C8orf34: variants seen among roughly 807,000 people sequenced by gnomAD.
C8orf34 encodes uncharacterized protein C8orf34.
A neutral mutation model predicts 68.3 loss-of-function variants in C8orf34; 65 were observed. That is an observed-to-expected ratio of 0.95 (90% CI 0.78 to 1.17). The LOEUF is 1.17. Ranked by LOEUF, C8orf34 falls within the 50% of genes most tolerant of loss-of-function variation. The pLI is 0.00. For synonymous variants in C8orf34, 244 were observed against 241.2 expected (o/e 1.01, Z -0.11); for missense variants, 664 against 655.4 (o/e 1.01, Z -0.14).
chr8:68,340,990 G>A (rs1440825940), intron 1 of C8orf34, among the ~76,000 whole-genome samples: 4 of 152,190 alleles, frequency 2.6e-5, no homozygotes, highest in African/African-American at 9.7e-5. Flanking sequence ...AGAGGTGCAA[G>A]GATAATCCAA....
intron 9 of C8orf34, among the ~76,000 whole-genome samples, chr8:68,709,708 T>C (rs1480741589): frequency 6.6e-6 from 1 of 152,146 alleles, no homozygotes; most frequent in Non-Finnish European, 1.5e-5. Context: ...CTCACCCCTC[T>C]TTTGTTCATT....
chr8:68,722,579 C>T (rs1159108245), intron 10 of C8orf34, among the ~76,000 whole-genome samples: 2 of 152,002 alleles, frequency 1.3e-5, no homozygotes, highest in African/African-American at 4.8e-5. Context: ...TTTTCCCAGA[C>T]CCTATTTAAA....
Position 68,473,306 on chromosome 8 carries a change from T to C in C8orf34, c.736+4486T>C, listed in dbSNP as rs533283123. 7.9e-5 allele frequency among the ~76,000 whole-genome samples: 12 copies of C among 152,226 alleles called. No individual in the cohort carries two copies. In the South Asian group the frequency reaches 2.5e-3, roughly 32 times the overall value. Reference sequence around the variant, plus strand: ...TTGAGGAGGTGGTATCTGACTTACATAGGGCCCAAAGACTGGTTGGACCAG... The same window carrying C: ...TTGAGGAGGTGGTATCTGACTTACACAGGGCCCAAAGACTGGTTGGACCAG... On this transcript the variant is annotated intron_variant, in intron 4 of 13. Coordinates refer to ENST00000518698, the MANE Select transcript of C8orf34 (RefSeq NM_052958.4).
At chr8:68,741,474 A>G (rs1336866781) in intron 10 of C8orf34, among the ~76,000 whole-genome samples, 4 of 152,130 alleles carry the variant, frequency 2.6e-5, no homozygotes, top group South Asian at 2.1e-4. Flanking sequence ...AAATAATTCA[A>G]TTATACTCTT....
chr8:68,702,986 A>G (rs1821063604), intron 8 of C8orf34, among the ~76,000 whole-genome samples: 2 of 152,132 alleles, frequency 1.3e-5, no homozygotes, highest in African/African-American at 4.8e-5. Context: ...CATCAGGATC[A>G]GTTGGATCTC....
intron 12 of C8orf34, among the ~76,000 whole-genome samples, chr8:68,796,006 T>C (rs1824168080): frequency 6.6e-6 from 1 of 152,192 alleles, no homozygotes; most frequent in African/African-American, 2.4e-5. Context: ...GTGACAATTG[T>C]CTGAGGGTGC....
chr8:68,636,344 G>A (rs1374102522), intron 7 of C8orf34, among the ~76,000 whole-genome samples: 1 of 151,876 alleles, frequency 6.6e-6, no homozygotes, highest in African/African-American at 2.4e-5. Flanking sequence ...GTGAGGGCAA[G>A]GTGGGCAGAT....
chr8:68,427,727 G>A (rs1387648006), intron 1 of C8orf34, among the ~76,000 whole-genome samples: 1 of 151,930 alleles, frequency 6.6e-6, no homozygotes, highest in African/African-American at 2.4e-5. Flanking sequence ...TCTACAGATT[G>A]TACCAATGTC....
intron 8 of C8orf34, among the ~76,000 whole-genome samples, chr8:68,657,088 C>G (rs1032325303): frequency 1.3e-5 from 2 of 152,134 alleles, no homozygotes; most frequent in Non-Finnish European, 2.9e-5. Context: ...ATGAATGTCC[C>G]TCATATGCCC....
chr8:68,730,127 T>C (rs922116987), intron 10 of C8orf34, among the ~76,000 whole-genome samples: 3 of 152,162 alleles, frequency 2.0e-5, no homozygotes, highest in Non-Finnish European at 4.4e-5. Flanking sequence ...TAAACATGTT[T>C]CAACTTGGAC....
chr8:68,629,008 C>T (rs920018), intron 7 of C8orf34, among the ~76,000 whole-genome samples: 9,278 of 152,216 alleles, frequency 0.061, 372 homozygotes, highest in Non-Finnish European at 0.093. Context: ...AAACAAATTA[C>T]TGCTTTGAGC....
intron 7 of C8orf34, among the ~76,000 whole-genome samples, chr8:68,583,234 A>G (rs1302105210): frequency 2.0e-5 from 3 of 152,180 alleles, no homozygotes; most frequent in Non-Finnish European, 4.4e-5. Context: ...AATAGATAAT[A>G]GCCAAACATG....
rs545005507 is a variant in C8orf34, at chr8:68,337,459, C to T, written c.327+6120C>T. On this transcript the variant is annotated intron_variant, in intron 1 of 13. Coordinates refer to ENST00000518698, the MANE Select transcript of C8orf34 (RefSeq NM_052958.4). ...TAAAGTCATGAGGGTCAAGAGAGGC[C>T]TCAGACTGAAGGGACATGGCAACTA... is the stretch of plus-strand genomic sequence containing the variant. Among the ~76,000 whole-genome samples the T allele has an allele frequency of 7.7e-4, 117 of 152,156 alleles. 1 individual carries two copies. Among genetic ancestry groups the T allele is most frequent in the African/African-American group, 2.7e-3 (111 of 41,520 alleles).
intron 10 of C8orf34, among the ~76,000 whole-genome samples, chr8:68,742,469 C>G (rs556784220): frequency 1.4e-3 from 215 of 152,334 alleles, no homozygotes; most frequent in African/African-American, 4.2e-3. Flanking sequence ...AGCAGCCCCT[C>G]TCATTTGTTT....
intron 7 of C8orf34, among the ~76,000 whole-genome samples, chr8:68,606,136 A>G (rs1201424515): frequency 6.6e-6 from 1 of 152,168 alleles, no homozygotes; most frequent in Non-Finnish European, 1.5e-5. Flanking sequence ...TGACGCATAA[A>G]TGATGGATTG....
At chr8:68,717,670 C>T (rs1821516444) in intron 9 of C8orf34, among the ~76,000 whole-genome samples, 1 of 151,712 alleles carries the variant, frequency 6.6e-6, no homozygotes, top group African/African-American at 2.4e-5. Flanking sequence ...TTAAATAGAT[C>T]ATATATACTA....
At chr8:68,805,234 A>G (rs1434409952) in intron 12 of C8orf34, among the ~76,000 whole-genome samples, 1 of 152,212 alleles carries the variant, frequency 6.6e-6, no homozygotes, top group African/African-American at 2.4e-5. Context: ...GACTTCCTTA[A>G]TGATCCAGTA....
chr8:68,621,690 T>A (rs900626068), intron 7 of C8orf34, among the ~76,000 whole-genome samples: 49 of 152,308 alleles, frequency 3.2e-4, no homozygotes, highest in African/African-American at 1.1e-3. Context: ...TTTGGAATCT[T>A]AACTGTTTTT....
intron 7 of C8orf34, among the ~76,000 whole-genome samples, chr8:68,592,068 A>G (rs1817405703): frequency 6.6e-6 from 1 of 152,148 alleles, no homozygotes; most frequent in Non-Finnish European, 1.5e-5. Flanking sequence ...AAGTGTATAA[A>G]CTTACAAGTT....
Sources: allele counts gnomAD v4.1 joint callset (sites outside exome capture counted in the v4.1 genomes callset), GRCh38; gene constraint gnomAD v4.1.1; transcripts MANE v1.5; gene names NCBI Gene and HGNC (gene_info 2026-07-23, HGNC 2026-07-21).